DHX30: variants seen among roughly 807,000 people sequenced by gnomAD.
The protein encoded by DHX30 is ATP-dependent RNA helicase DHX30.
A neutral mutation model predicts 116.9 loss-of-function variants in DHX30; 4 were observed. The ratio of observed to expected loss-of-function variants is 0.03; its 90% confidence interval spans 0.02 to 0.08. The LOEUF (loss-of-function observed/expected upper bound fraction) is 0.08. Ranked by LOEUF, DHX30 falls within the 10% of genes least tolerant of loss-of-function variation. The pLI, the probability that DHX30 is intolerant of heterozygous loss-of-function variation, is 1.00. For synonymous variants in DHX30, 697 were observed against 651.7 expected, an observed-to-expected ratio of 1.07 and a Z score of -1.06; for missense variants, 871 against 1,595.1, an observed-to-expected ratio of 0.55 and a Z score of 7.73.
At chr3:47,805,230 A>C in intron 1 of DHX30, 96 bp from the exon 2 acceptor site, 1 of 397,366 alleles carries the variant, frequency 2.5e-6, no homozygotes. Context: ...TGCCACTAAC[A>C]AAATTTGTCC....
chr3:47,829,226 C>A (rs568772701), intron 6 of DHX30, 92 bp downstream of exon 6: 1 of 564,142 alleles, frequency 1.8e-6, no homozygotes, highest in Non-Finnish European at 3.1e-6. Flanking sequence ...CAGTGTTCTA[C>A]CACTCACCTG....
In DHX30 at chr3:47,846,932, G is replaced by A. The variant is rs751015708; in HGVS notation, c.1860G>A (p.Glu620=). ...CTGGCTTCATGTACCCAGTCAAGGA[G>A]CACTACCTAGAGGACATCCTGGCCA... is the stretch of plus-strand genomic sequence containing the variant. ...KVPGFMYPVK[E]HYLEDILAKL... is the part of the protein sequence containing the mutation. Residue 620 remains glutamate, a synonymous_variant, in exon 11 of 22, where the codon GAG becomes GAA. Transcript: ENST00000445061. 3.1e-6 allele frequency: 5 copies of A among 1,613,614 alleles called. No individual in the cohort carries two copies. The Admixed American group carries it at 6.7e-5, about 22-fold the overall frequency.
intron 2 of DHX30, 68 bp from the exon 3 acceptor site, chr3:47,810,589 G>A (rs1278383803): frequency 7.8e-7 from 1 of 1,275,550 alleles, no homozygotes; most frequent in Non-Finnish European, 1.1e-6. Context: ...CCATGTTACT[G>A]AAGTCTTCTT....
chr3:47,840,776 A>G (rs2037336340), intron 6 of DHX30, 101 bp from the exon 7 acceptor site: 1 of 1,470,282 alleles, frequency 6.8e-7, no homozygotes, highest in Non-Finnish European at 9.3e-7. Context: ...ATGAAAAACC[A>G]CGGCTGCACA....
At chr3:47,818,157 G>T in intron 4 of DHX30, 40 bp downstream of exon 4, 1 of 765,570 alleles carries the variant, frequency 1.3e-6, no homozygotes, top group East Asian at 2.4e-5. Context: ...GCTTGGTCCA[G>T]GGTCTGTGGG....
intron 10 of DHX30, 79 bp downstream of exon 10, chr3:47,845,931 C>T (rs979130723): frequency 1.1e-5 from 17 of 1,525,282 alleles, no homozygotes; most frequent in African/African-American, 4.1e-5. Flanking sequence ...CCTCCACCTG[C>T]GACAGGCAGT....
At chr3:47,819,095 C>T in intron 4 of DHX30, 1 of 634,490 alleles carries the variant, frequency 1.6e-6, no homozygotes, top group South Asian at 1.5e-5. Context: ...TGACTACTGA[C>T]AGCAGGATAG....
At position 47,812,624 on chromosome 3, in the gene DHX30, A is replaced by G. The variant is rs552825314; in HGVS notation, c.28+1913A>G. Among the ~76,000 whole-genome samples the G allele has an allele frequency of 2.6e-3, 398 of 151,022 alleles. 1 individual carries two copies. The highest frequency in any genetic ancestry group is 3.6e-3 in the Non-Finnish European group (246 of 67,840). On this transcript the variant is annotated intron_variant, in intron 3 of 21. Transcript: ENST00000445061. ...CAAGGATAGTAGCAAGCCATGAGGGATCCATTCTGTGACCCTTCAACAGCA... is the reference window on the plus strand; with the variant it reads ...CAAGGATAGTAGCAAGCCATGAGGGGTCCATTCTGTGACCCTTCAACAGCA...
At chr3:47,816,615 C>T in intron 3 of DHX30, 2 of 985,238 alleles carry the variant, frequency 2.0e-6, no homozygotes, top group Non-Finnish European at 1.2e-6. Flanking sequence ...CTCAGCCTCC[C>T]AAAGTGCTGG....
At chr3:47,813,445 A>G (rs1246157314) in intron 3 of DHX30, among the ~76,000 whole-genome samples, 8 of 152,204 alleles carry the variant, frequency 5.3e-5, no homozygotes, top group Non-Finnish European at 7.3e-5. Context: ...ACAGGGCTAT[A>G]GGGTAGAGTT....
At chr3:47,829,674 T>C (rs2036745856) in intron 6 of DHX30, among the ~76,000 whole-genome samples, 1 of 151,944 alleles carries the variant, frequency 6.6e-6, no homozygotes. Flanking sequence ...CAGCCTATCT[T>C]CTGTGGTTTT....
rs116482284 is a variant in DHX30 at position 47,818,609 on chromosome 3, C to T, written c.124+492C>T. Among the ~76,000 whole-genome samples, 673 of 152,260 alleles carry T rather than the reference C, an allele frequency of 4.4e-3. 5 individuals carry two copies. The highest frequency in any genetic ancestry group is 0.032 in the South Asian group (153 of 4,818). On this transcript the variant is annotated intron_variant, in intron 4 of 21. Transcript: ENST00000445061. ...AGCACTTTACTGACATTAAAATGTG[C>T]CTCTCAGTCCACTTGGCAAGGTAGG...
chr3:47,805,285 A>G (rs939595825), intron 1 of DHX30, 41 bp from the exon 2 acceptor site: 5 of 398,944 alleles, frequency 1.3e-5, no homozygotes, highest in East Asian at 3.6e-5. Context: ...TTCTTTCCCT[A>G]TGGGGCCTCC....
rs528373279 is a variant in DHX30, at chr3:47,849,420, G to GC, written c.3088-27dup. ...TTCCCTGTCTGCAGCTCCTTGCTCA[G>GC]CCCCACCCGTCTTTTCCTCCATCCC... On this transcript the variant is annotated intron_variant, in intron 19 of 21. Transcript: ENST00000445061. 7.8e-5 allele frequency: 123 copies of GC among 1,574,274 alleles called. No homozygotes were observed. In the East Asian group the frequency reaches 2.6e-3, roughly 33 times the overall value.
intron 6 of DHX30, among the ~76,000 whole-genome samples, 153 bp downstream of exon 6, chr3:47,829,287 GATATATATATAT>G (rs1189388149): frequency 5.6e-5 from 2 of 35,848 alleles, no homozygotes; most frequent in African/African-American, 3.0e-4. Flanking sequence ...CAGCCAATGA[GATATATATATAT>G]ATATATATAT....
At chr3:47,835,234 C>T (rs1015010898) in intron 6 of DHX30, among the ~76,000 whole-genome samples, 3 of 147,566 alleles carry the variant, frequency 2.0e-5, no homozygotes, top group East Asian at 4.0e-4. Context: ...AGTGCAGTGG[C>T]GCAATCTCAA....
intron 6 of DHX30, among the ~76,000 whole-genome samples, chr3:47,835,336 T>C (rs890939662): frequency 2.6e-5 from 4 of 151,976 alleles, no homozygotes; most frequent in Non-Finnish European, 5.9e-5. Context: ...ACGCCTGGAA[T>C]TTTGTATTTT....
At chr3:47,820,053 C>G (rs1435379193) in intron 4 of DHX30, among the ~76,000 whole-genome samples, 3 of 152,350 alleles carry the variant, frequency 2.0e-5, no homozygotes, top group African/African-American at 4.8e-5. Context: ...TGGCTTACGC[C>G]TGTAATCCCA....
At chr3:47,816,266 A>G in intron 3 of DHX30, 1 of 985,330 alleles carries the variant, frequency 1.0e-6, no homozygotes, top group Non-Finnish European at 1.2e-6. Context: ...ATGACAAAAA[A>G]CAATTATTGG....
Sources: allele counts gnomAD v4.1 joint callset (sites outside exome capture counted in the v4.1 genomes callset), GRCh38; gene constraint gnomAD v4.1.1; transcripts MANE v1.5; gene names NCBI Gene and HGNC (gene_info 2026-07-23, HGNC 2026-07-21).